ZNF335: variants seen among roughly 807,000 people sequenced by gnomAD.
ZNF335 encodes the protein zinc finger protein 335.
In ZNF335, 84 loss-of-function variants were observed where a neutral mutation model predicts 145.6. The observed-to-expected ratio is 0.58, with a 90% CI of 0.48 to 0.69. The LOEUF (loss-of-function observed/expected upper bound fraction) is 0.69. ZNF335 is among the 30% of genes least tolerant of loss of function. The pLI, the probability that ZNF335 is intolerant of heterozygous loss-of-function variation, is 0.00. For missense variants in ZNF335, 1,865 were observed against 1,809.7 expected, an observed-to-expected ratio of 1.03 and a Z score of -0.55; for synonymous variants, 761 against 717.0, an observed-to-expected ratio of 1.06 and a Z score of -0.98.
chr20:45,971,616 G>A, intron 1 of ZNF335, 156 bp from the exon 2 acceptor site: 1 of 985,494 alleles, frequency 1.0e-6, no homozygotes, highest in Non-Finnish European at 1.2e-6. Flanking sequence ...GGGGAGCTCG[G>A]GAAAAACTTG....
intron 10 of ZNF335, 21 bp from the exon 11 acceptor site, chr20:45,960,903 A>C: frequency 6.2e-7 from 1 of 1,613,152 alleles, no homozygotes; most frequent in Non-Finnish European, 8.5e-7. Flanking sequence ...AAGGCCGAGG[A>C]ATTAGACCAG....
intron 18 of ZNF335, 59 bp downstream of exon 18, chr20:45,953,630 G>GGACC (rs1036343468): frequency 6.3e-6 from 10 of 1,593,366 alleles, no homozygotes; most frequent in Admixed American, 1.7e-5. Context: ...GGCCCAAATC[G>GGACC]GACCGACCGA....
chr20:45,967,058 A>T (rs757609042), intron 6 of ZNF335: 1 of 190,080 alleles, frequency 5.3e-6, no homozygotes, highest in Non-Finnish European at 1.1e-5. Flanking sequence ...CATGTTGTCC[A>T]GGCTGGGAGA....
rs565540162 is a variant in ZNF335, at chr20:45,968,330, C to T, written c.475G>A (p.Gly159Arg). The change falls in exon 4 of 28, where the codon GGG becomes AGG. Residue 159 changes from glycine (G) to arginine (R), a missense_variant. Coordinates refer to ENST00000322927, the MANE Select transcript of ZNF335 (RefSeq NM_022095.4). ...CITVTSAEDGGAETTRYLILQ... is the reference protein window; with the variant it reads ...CITVTSAEDGRAETTRYLILQ... ...ATCAGGTACCGTGTGGTCTCGGCCC[C>T]GCCATCCTCAGCACTGGTCACAGTG... is the stretch of plus-strand genomic sequence containing the variant. 2.9e-5 allele frequency: 46 copies of T among 1,613,146 alleles called. No individual in the cohort carries two copies. The highest frequency in any genetic ancestry group is 1.6e-4 in the East Asian group (7 of 44,844).
chr20:45,967,855 C>T lies in ZNF335; in HGVS notation c.693G>A (p.Gln231=), dbSNP rs1270189333. ...CCACCTCCATCATGGCCTCCAGGCT[C>T]TGCAGGTCCGGCTCTTCGGCACCGG... ...PASGAEEPDL[Q]SLEAMMEVVV... is the part of the protein sequence containing the mutation. The change falls in exon 5 of 28, where the codon CAG becomes CAA. Residue 231 remains glutamine (Q), a synonymous_variant. Coordinates refer to ENST00000322927, the MANE Select transcript of ZNF335 (RefSeq NM_022095.4). The T allele has an allele frequency of 6.2e-7, 1 of 1,613,368 alleles. No individual in the cohort carries two copies. Among genetic ancestry groups the T allele is most frequent in the Admixed American group, 1.7e-5 (1 of 60,016 alleles).
chr20:45,960,414 T>C, intron 13 of ZNF335, 35 bp downstream of exon 13: 1 of 1,613,842 alleles, frequency 6.2e-7, no homozygotes, highest in Non-Finnish European at 8.5e-7. Flanking sequence ...AGCTGGGGAC[T>C]GCTCCCGTCC....
intron 15 of ZNF335, among the ~76,000 whole-genome samples, chr20:45,958,435 C>T (rs1473389945): frequency 6.6e-6 from 1 of 152,222 alleles, no homozygotes; most frequent in Non-Finnish European, 1.5e-5. Flanking sequence ...AAGAATCCCA[C>T]TCCTAATACA....
Position 45,969,636 on chromosome 20 carries a change from G to A in ZNF335, c.257C>T (p.Pro86Leu). The change falls in exon 3 of 28, where the codon CCT becomes CTT. Residue 86 changes from proline (P) to leucine (L), a missense_variant. Coordinates refer to ENST00000322927, the MANE Select transcript of ZNF335 (RefSeq NM_022095.4). ...CCCATGAGACACAGACGATGAATCAGGGAGGTAGCTATTAGGCAGGGGGTC... is the reference window on the plus strand; with the variant it reads ...CCCATGAGACACAGACGATGAATCAAGGAGGTAGCTATTAGGCAGGGGGTC... ...SADPLPNSYL[P>L]DSSSVSHGPV... The A allele has an allele frequency of 6.2e-7, 1 of 1,611,498 alleles. No individual in the cohort carries two copies. The highest frequency in any genetic ancestry group is 8.5e-7 in the Non-Finnish European group (1 of 1,178,446).
At chr20:45,967,671 T>A in intron 5 of ZNF335, 37 bp from the exon 6 acceptor site, 1 of 1,611,618 alleles carries the variant, frequency 6.2e-7, no homozygotes, top group Non-Finnish European at 8.5e-7. Flanking sequence ...GCTTGCCATG[T>A]CTGGCTCCCA....
chr20:45,955,341 ACT>A (rs1166234738), intron 17 of ZNF335, among the ~76,000 whole-genome samples: 3 of 132,460 alleles, frequency 2.3e-5, no homozygotes, highest in Admixed American at 7.3e-5. Context: ...ACAGAGCAAG[ACT>A]CTGTCTCAAA....
intron 20 of ZNF335, among the ~76,000 whole-genome samples, chr20:45,951,543 C>A (rs894104163): frequency 6.6e-6 from 1 of 152,222 alleles, no homozygotes; most frequent in Admixed American, 6.5e-5. Context: ...AGTTGTTGCA[C>A]CTCAGTTCAT....
rs1042460711 is a variant in ZNF335 at position 45,963,896 on chromosome 20, G to T, written c.1197C>A (p.His399Gln). Reference sequence around the variant, plus strand: ...TGCTCACCTTGCCCATGGCCACCAGGTGTCCTGGGCCTGAGGAGCTGGGAG... The same window carrying T: ...TGCTCACCTTGCCCATGGCCACCAGTTGTCCTGGGCCTGAGGAGCTGGGAG... Reference protein sequence around the residue: ...PEAPSSSGPGHLVAMGKVSRT... With the variant: ...PEAPSSSGPGQLVAMGKVSRT... Residue 399 changes from histidine to glutamine, a missense_variant, in exon 8 of 28, where the codon CAC becomes CAA. His to Gln is a conservative substitution (Grantham distance 24). Coordinates refer to ENST00000322927, the MANE Select transcript of ZNF335 (RefSeq NM_022095.4). The T allele has an allele frequency of 6.2e-7, 1 of 1,600,146 alleles. No individual in the cohort carries two copies. Among genetic ancestry groups the T allele is most frequent in the Non-Finnish European group, 8.5e-7 (1 of 1,171,598 alleles).
chr20:45,968,489 C>G, intron 3 of ZNF335, 127 bp from the exon 4 acceptor site: 1 of 819,058 alleles, frequency 1.2e-6, no homozygotes, highest in African/African-American at 1.7e-5. Context: ...CCATGTGCGA[C>G]TGCAAACCAG....
rs2083934512 is a variant in ZNF335 at position 45,965,511 on chromosome 20, G to A, written c.1102+117C>T. 1.0e-5 allele frequency: 13 copies of A among 1,293,610 alleles called. 1 individual carries two copies. The South Asian group carries it at 1.1e-4, about 11-fold the overall frequency. The allele number at this position is 1,293,610 out of a possible 1,614,324, so 80.1% of individuals were successfully genotyped here. On this transcript the variant is annotated intron_variant, in intron 7 of 27. Transcript: ENST00000322927. ...TTCCCTGGAGGCCTGCAGGTGACCC[G>A]GTTTGAGACAGCTGCCCTGCAGGGC...
At chr20:45,959,141 G>C (rs2083779836) in intron 15 of ZNF335, 60 bp downstream of exon 15, 1 of 1,268,664 alleles carries the variant, frequency 7.9e-7, no homozygotes, top group African/African-American at 1.5e-5. Flanking sequence ...ATGTGCAAAT[G>C]ATGCTGGGGC....
Position 45,970,933 on chromosome 20 carries a change from A to G in ZNF335, c.201+277T>C, listed in dbSNP as rs540328248. ...AAAGTGTGAGGACTGTGGGTAGTAT[A>G]GTAGCTAAGACCACAGCCTAGATTT... On this transcript the variant is annotated intron_variant, in intron 2 of 27. Coordinates refer to ENST00000322927, the MANE Select transcript of ZNF335 (RefSeq NM_022095.4). 2.6e-5 allele frequency among the ~76,000 whole-genome samples: 4 copies of G among 152,252 alleles called. No homozygotes were observed. In the South Asian group the frequency reaches 8.3e-4, roughly 32 times the overall value.
rs558484629 is a variant in ZNF335 at position 45,970,821 on chromosome 20, G to T, written c.201+389C>A. Among the ~76,000 whole-genome samples the T allele has an allele frequency of 3.2e-4, 49 of 150,944 alleles. 1 individual carries two copies. In the South Asian group the frequency reaches 9.7e-3, roughly 30 times the overall value. On this transcript the variant is annotated intron_variant, in intron 2 of 27. Coordinates refer to ENST00000322927, the MANE Select transcript of ZNF335 (RefSeq NM_022095.4). ...GCCCAAGCTGGTCTCCAACTCCTGGGCTCAAGTGATCCTCCCACCTCAGCC... is the reference window on the plus strand; with the variant it reads ...GCCCAAGCTGGTCTCCAACTCCTGGTCTCAAGTGATCCTCCCACCTCAGCC...
At position 45,958,197 on chromosome 20, in the gene ZNF335, G is replaced by A. The variant is rs984256162; in HGVS notation, c.2254-269C>T. Among the ~76,000 whole-genome samples, 7 of 152,126 alleles carry A rather than the reference G, an allele frequency of 4.6e-5. No individual in the cohort carries two copies. The East Asian group carries it at 5.8e-4, about 13-fold the overall frequency. On this transcript the variant is annotated intron_variant, in intron 15 of 27. Transcript: ENST00000322927. ...TGAATAGCTGGGATTACAAGTGGCC[G>A]CCACCACACCCAGCTAATTTTTATA...
At chr20:45,961,505 T>TC (rs1555848748) in intron 10 of ZNF335, 1 of 150,116 alleles carries the variant, frequency 6.7e-6, no homozygotes, top group East Asian at 1.9e-4. Context: ...TTTTTTTTTT[T>TC]CATTTAAAAA....
Sources: allele counts gnomAD v4.1 joint callset (sites outside exome capture counted in the v4.1 genomes callset), GRCh38; gene constraint gnomAD v4.1.1; transcripts MANE v1.5; gene names NCBI Gene and HGNC (gene_info 2026-07-23, HGNC 2026-07-21).